ZNF646: variants seen among roughly 807,000 people sequenced by gnomAD.
The protein encoded by ZNF646 is zinc finger protein 646.
Under a neutral mutation model 115.4 loss-of-function variants are expected in ZNF646, and 49 were observed. That is an observed-to-expected ratio of 0.42 (90% CI 0.34 to 0.54). ZNF646 has a LOEUF of 0.54. ZNF646 is among the 20% of genes least tolerant of loss of function. The pLI is 0.04. For missense variants in ZNF646, 2,269 were observed against 2,457.9 expected, an observed-to-expected ratio of 0.92 and a Z score of 1.62; for synonymous variants, 933 against 939.0, an observed-to-expected ratio of 0.99 and a Z score of 0.12.
intron 2 of ZNF646, chr16:31,082,016 G>A (rs1436124546): frequency 4.5e-6 from 2 of 442,996 alleles, no homozygotes; most frequent in Non-Finnish European, 8.2e-6. Flanking sequence ...GAAGGTCACT[G>A]GGTACCCCCT....
At position 31,079,784 on chromosome 16, in the gene ZNF646, G is replaced by A; in HGVS notation, c.3460G>A (p.Glu1154Lys). The A allele has an allele frequency of 6.2e-7, 1 of 1,613,690 alleles. No homozygotes were observed. The highest frequency in any genetic ancestry group is 8.5e-7 in the Non-Finnish European group (1 of 1,179,934). ...GCAAGCAGAAGTCGAGAAGCTCCAG[G>A]AAGAACTTAAAGTGGAGCCCCTGGA... ...PGQAEVEKLQ[E>K]ELKVEPLEEV... The change falls in exon 2 of 3, where the codon GAA becomes AAA. Residue 1154 changes from glutamate (E) to lysine (K), a missense_variant. Glu to Lys is a moderately conservative substitution (Grantham distance 56). Around this residue, in one of 5 missense-constraint regions of ZNF646, gnomAD observed 1,062 missense variants for 1,172.8 expected, o/e 0.91. Transcript: ENST00000300850. This position sits in a 1 kb window ranked among gnomAD's most constrained non-coding sequence, Gnocchi z 5.5.
In ZNF646 at chr16:31,077,173, C is replaced by T. The variant is rs1234228719; in HGVS notation, c.849C>T (p.Asn283=). Residue 283 remains asparagine, a synonymous_variant, in exon 2 of 3, where the codon AAC becomes AAT. Coordinates refer to ENST00000300850, the MANE Select transcript of ZNF646 (RefSeq NM_014699.4). Reference sequence around the variant, plus strand: ...TCTCTAACCTCATGGCTCTGAAGAACCACTCTCGACTGCATGCCCAGTATC... The same window carrying T: ...TCTCTAACCTCATGGCTCTGAAGAATCACTCTCGACTGCATGCCCAGTATC... ...KEFSNLMALK[N]HSRLHAQYRP... 2.5e-6 allele frequency: 4 copies of T among 1,614,226 alleles called. No homozygotes were observed. Among genetic ancestry groups the T allele is most frequent in the Non-Finnish European group, 3.4e-6 (4 of 1,180,034 alleles).
Position 31,081,014 on chromosome 16 carries a change from A to C in ZNF646, c.4690A>C (p.Lys1564Gln). ...TDRHYCLLCSKEFLNPVATKS... is the reference protein window; with the variant it reads ...TDRHYCLLCSQEFLNPVATKS... ...CCGACACTATTGCCTGCTCTGCTCC[A>C]AGGAGTTCTTAAATCCTGTGGCCAC... The change falls in exon 2 of 3, where the codon AAG (lysine) becomes CAG (glutamine). Residue 1564 changes from lysine (K) to glutamine (Q), a missense_variant. By Grantham distance (53) the Lys-to-Gln change is moderately conservative (BLOSUM62 1). This residue lies in a region of ZNF646 where 1,062 missense variants were observed against 1,172.8 expected (regional missense o/e 0.91). Transcript: ENST00000300850. 1 of 1,614,050 alleles carries C rather than the reference A, an allele frequency of 6.2e-7. No individual in the cohort carries two copies.
rs1367388521 is a variant in ZNF646 at position 31,080,735 on chromosome 16, CT to C, written c.4412del (p.Leu1471ArgfsTer13). The C allele has an allele frequency of 6.2e-7, 1 of 1,613,658 alleles. No homozygotes were observed. The highest frequency in any genetic ancestry group is 1.1e-5 in the South Asian group (1 of 91,080). ...AGGTGGGTGGCCGGTAGGTGGGGGACTGGGGAATCATAGTGGAGGCTGGGTT... is the reference window on the plus strand; with the variant it reads ...AGGTGGGTGGCCGGTAGGTGGGGGACGGGGAATCATAGTGGAGGCTGGGTT... Reference protein sequence around the residue: ...KAGGWPVGGGLGNHSGGWVPQ... With the variant: ...KAGGWPVGGGXGNHSGGWVPQ... On this transcript the variant is annotated frameshift_variant, in exon 2 of 3. Transcript: ENST00000300850. LOFTEE classifies it high-confidence loss of function.
At position 31,080,060 on chromosome 16, in the gene ZNF646, A is replaced by G; in HGVS notation, c.3736A>G (p.Lys1246Glu). 1 of 1,612,006 alleles carries G rather than the reference A, an allele frequency of 6.2e-7. No homozygotes were observed. Among genetic ancestry groups the G allele is most frequent in the Non-Finnish European group, 8.5e-7 (1 of 1,178,922 alleles). ...SKGFSNLMSL[K>E]NHRRIHADPR... is the part of the protein sequence containing the mutation. ...GGGCTTCTCAAACCTCATGTCCCTC[A>G]AGAACCACCGGCGCATCCATGCAGA... The change falls in exon 2 of 3, where the codon AAG (lysine) becomes GAG (glutamate). Residue 1246 changes from lysine to glutamate, a missense_variant. Lys to Glu is a moderately conservative substitution (Grantham distance 56). Coordinates refer to ENST00000300850, the MANE Select transcript of ZNF646 (RefSeq NM_014699.4).
Position 31,083,898 on chromosome 16 carries a change from GTCTT to G in ZNF646, c.*807_*810del, listed in dbSNP as rs1735016299. On this transcript the variant is annotated 3_prime_UTR_variant, in exon 3 of 3. Coordinates refer to ENST00000300850, the MANE Select transcript of ZNF646 (RefSeq NM_014699.4). ...CCCATTCCTCGAAGGAACAGGGTCT[GTCTT>G]GGCCGCCATGACAGATGAGAATACT... 6 of 1,595,948 alleles carry G rather than the reference GTCTT, an allele frequency of 3.8e-6. No homozygotes were observed. The African/African-American group carries it at 5.4e-5, about 14-fold the overall frequency.
chr16:31,082,756 T>G, intron 2 of ZNF646: 2 of 587,382 alleles, frequency 3.4e-6, no homozygotes, highest in South Asian at 4.9e-5. Flanking sequence ...GCTGAAGGAA[T>G]GGCTTTAAGG....
chr16:31,079,449 A>T lies in ZNF646; in HGVS notation c.3125A>T (p.Glu1042Val), dbSNP rs2057125045. 9 of 1,613,638 alleles carry T rather than the reference A, an allele frequency of 5.6e-6. No homozygotes were observed. The Admixed American group carries it at 1.5e-4, about 27-fold the overall frequency. Residue 1042 changes from glutamate (E) to valine (V), a missense_variant, in exon 2 of 3, where the codon GAA becomes GTA. By Grantham distance (121) the Glu-to-Val change is moderately radical (BLOSUM62 -2). Around this residue, in one of 5 missense-constraint regions of ZNF646, gnomAD observed 1,062 missense variants for 1,172.8 expected, o/e 0.91. Coordinates refer to ENST00000300850, the MANE Select transcript of ZNF646 (RefSeq NM_014699.4). This position sits in a 1 kb window ranked among gnomAD's most constrained non-coding sequence, Gnocchi z 5.5. ...GACAGCCTCTGCATCCAGGGTGGGG[A>T]AAGTTTGTTGGAGGCTCAGCCCCGC... ...LGDSLCIQGG[E>V]SLLEAQPRPF...
At chr16:31,075,785 C>T (rs2057069131) in intron 1 of ZNF646, 1 of 152,330 alleles carries the variant, frequency 6.6e-6, no homozygotes, top group African/African-American at 2.4e-5. Context: ...TTCTCAGCTA[C>T]TCTGTTTAGC....
intron 1 of ZNF646, among the ~76,000 whole-genome samples, chr16:31,074,975 G>T (rs1177977465): frequency 1.3e-5 from 2 of 152,134 alleles, no homozygotes; most frequent in African/African-American, 4.8e-5. Flanking sequence ...GACCGCCTCA[G>T]TCAGGGGGTT....
chr16:31,077,268 C>T lies in ZNF646; in HGVS notation c.944C>T (p.Ser315Phe), dbSNP rs776454831. 6.2e-6 allele frequency: 10 copies of T among 1,614,136 alleles called. No homozygotes were observed. The highest frequency in any genetic ancestry group is 7.6e-6 in the Non-Finnish European group (9 of 1,180,026). Residue 315 changes from serine (S) to phenylalanine (F), a missense_variant, in exon 2 of 3, where the codon TCC becomes TTC. Transcript: ENST00000300850. ...LPRELLEHQQ[S>F]HEGERQEPRW... Reference sequence around the variant, plus strand: ...CGGGAGCTGCTGGAACACCAGCAGTCCCATGAGGGTGAAAGGCAGGAGCCA... The same window carrying T: ...CGGGAGCTGCTGGAACACCAGCAGTTCCATGAGGGTGAAAGGCAGGAGCCA...
chr16:31,076,457 C>T lies in ZNF646; in HGVS notation c.133C>T (p.Pro45Ser), dbSNP rs200713865. 1.9e-6 allele frequency: 3 copies of T among 1,614,068 alleles called. No individual in the cohort carries two copies. The Admixed American group carries it at 5.0e-5, about 27-fold the overall frequency. Reference protein sequence around the residue: ...NQDSEEADSIPRPYRCQQCGR... With the variant: ...NQDSEEADSISRPYRCQQCGR... ...GGACAGTGAGGAGGCTGACAGCATC[C>T]CTCGGCCCTACCGTTGTCAGCAGTG... is the stretch of plus-strand genomic sequence containing the variant. Residue 45 changes from proline (P) to serine (S), a missense_variant, in exon 2 of 3, where the codon CCT becomes TCT. Around this residue, in one of 5 missense-constraint regions of ZNF646, gnomAD observed 334 missense variants for 323.5 expected, o/e 1.03. Coordinates refer to ENST00000300850, the MANE Select transcript of ZNF646 (RefSeq NM_014699.4).
Position 31,083,130 on chromosome 16 carries a change from G to C in ZNF646, c.*38G>C. 1 of 1,589,814 alleles carries C rather than the reference G, an allele frequency of 6.3e-7. No homozygotes were observed. The highest frequency in any genetic ancestry group is 8.5e-7 in the Non-Finnish European group (1 of 1,171,040). On this transcript the variant is annotated 3_prime_UTR_variant, in exon 3 of 3. Transcript: ENST00000300850. ...CAAAGATCAGAATCTGGGGGAGGGA[G>C]CGCGTGCAGGGAGGGGCTTGATCTC...
In ZNF646 at chr16:31,081,499, C is replaced by T. The variant is rs369366781; in HGVS notation, c.5175C>T (p.Thr1725=). 191 of 1,614,088 alleles carry T rather than the reference C, an allele frequency of 1.2e-4. No homozygotes were observed. The highest frequency in any genetic ancestry group is 1.6e-4 in the Non-Finnish European group (187 of 1,180,050). Residue 1725 remains threonine, a synonymous_variant, in exon 2 of 3, where the codon ACC becomes ACT. Transcript: ENST00000300850. Reference sequence around the variant, plus strand: ...TGTCTCTTAAGAACCACAGCAGGACCCACACGGACCCCAAGCGCCACTGCT... The same window carrying T: ...TGTCTCTTAAGAACCACAGCAGGACTCACACGGACCCCAAGCGCCACTGCT... The part of the protein sequence containing the change: ...NLLSLKNHSR[T]HTDPKRHCCS...
intron 1 of ZNF646, among the ~76,000 whole-genome samples, chr16:31,075,174 G>T (rs545235271): frequency 6.6e-6 from 1 of 152,302 alleles, no homozygotes; most frequent in Non-Finnish European, 1.5e-5. Context: ...AAGATCAGGA[G>T]GCATGGGAGA....
At position 31,080,163 on chromosome 16, in the gene ZNF646, A is replaced by G. The variant is rs2057135702; in HGVS notation, c.3839A>G (p.His1280Arg). The G allele has an allele frequency of 6.2e-7, 1 of 1,612,128 alleles. No individual in the cohort carries two copies. The highest frequency in any genetic ancestry group is 1.3e-5 in the African/African-American group (1 of 74,908). Residue 1280 changes from histidine (H) to arginine (R), a missense_variant, in exon 2 of 3, where the codon CAC becomes CGC. By Grantham distance (29) the His-to-Arg change is conservative. Transcript: ENST00000300850. ...CAGCTGGCCAGCCACCAGCGGGTCC[A>G]CATGGAACGGCGTGGGGGTGGGGGC... Reference protein sequence around the residue: ...RKQLASHQRVHMERRGGGGTR... With the variant: ...RKQLASHQRVRMERRGGGGTR...
Position 31,077,130 on chromosome 16 carries a change from C to G in ZNF646, c.806C>G (p.Ala269Gly). Residue 269 changes from alanine to glycine, a missense_variant, in exon 2 of 3, where the codon GCC becomes GGC. Ala to Gly is a moderately conservative substitution (Grantham distance 60). Transcript: ENST00000300850. The stretch of plus-strand genomic sequence containing the variant: ...CACACGCTGGGCATCTACCCCTGTG[C>G]CATCTGTTTCAAGGAGTTCTCTAAC... ...QSHTLGIYPC[A>G]ICFKEFSNLM... The G allele has an allele frequency of 6.2e-7, 1 of 1,614,198 alleles. No individual in the cohort carries two copies.
chr16:31,084,097 A>G lies in ZNF646; in HGVS notation c.*1005A>G, dbSNP rs773919860. ...GGGTCCTGGAGAGGCAGGGTTTGGC[A>G]GGAGGCCCCGGGGCCACATACTTAT... On this transcript the variant is annotated 3_prime_UTR_variant, in exon 3 of 3. Coordinates refer to ENST00000300850, the MANE Select transcript of ZNF646 (RefSeq NM_014699.4). 2 of 1,555,032 alleles carry G rather than the reference A, an allele frequency of 1.3e-6. No homozygotes were observed. The highest frequency in any genetic ancestry group is 2.7e-5 in the African/African-American group (2 of 73,512).
At position 31,079,331 on chromosome 16, in the gene ZNF646, G is replaced by C. The variant is rs202035655; in HGVS notation, c.3007G>C (p.Val1003Leu). The C allele has an allele frequency of 4.5e-5, 72 of 1,613,894 alleles. No homozygotes were observed. The Admixed American group carries it at 7.7e-4, about 17-fold the overall frequency. ...LGVAGDAMEM[V>L]VDSVLEDIVN... Reference sequence around the variant, plus strand: ...AGTGGCAGGTGATGCCATGGAGATGGTCGTGGACAGTGTCTTGGAGGACAT... The same window carrying C: ...AGTGGCAGGTGATGCCATGGAGATGCTCGTGGACAGTGTCTTGGAGGACAT... The change falls in exon 2 of 3, where the codon GTC becomes CTC. Residue 1003 changes from valine to leucine, a missense_variant. Coordinates refer to ENST00000300850, the MANE Select transcript of ZNF646 (RefSeq NM_014699.4). This position sits in a 1 kb window ranked among gnomAD's most constrained non-coding sequence, Gnocchi z 5.5.
Sources: allele counts gnomAD v4.1 joint callset (sites outside exome capture counted in the v4.1 genomes callset), GRCh38; gene constraint gnomAD v4.1.1; regional missense constraint gnomAD v4.1.1; non-coding constraint Gnocchi (gnomAD v3.1); transcripts MANE v1.5; gene names NCBI Gene and HGNC (gene_info 2026-07-23, HGNC 2026-07-21).